Variants in COL4A2 observed in about 807,000 individuals in gnomAD.
COL4A2 encodes collagen type IV alpha 2 chain, also known as collagen alpha-2(IV) chain.
In COL4A2, 99 loss-of-function variants were observed where a neutral mutation model predicts 200.2. That is an observed-to-expected ratio of 0.49 (90% CI 0.42 to 0.58). The LOEUF (loss-of-function observed/expected upper bound fraction) is 0.58. Ranked by LOEUF, COL4A2 falls within the 20% of genes least tolerant of loss-of-function variation. The pLI is 0.00. For synonymous variants in COL4A2, 897 were observed against 900.6 expected (o/e 1.00, Z 0.07); for missense variants, 1,950 against 2,314.1 (o/e 0.84, Z 3.23).
At chr13:110,464,213 C>T (rs562664602) in intron 24 of COL4A2, among the ~76,000 whole-genome samples, 2 of 152,272 alleles carry the variant, frequency 1.3e-5, no homozygotes, top group African/African-American at 4.8e-5. Context: ...CCCTGCGGCT[C>T]CCAAGCCTGG....
At chr13:110,434,313 C>A (rs1241630953) in intron 11 of COL4A2, 88 bp from the exon 12 acceptor site, 6 of 1,242,264 alleles carry the variant, frequency 4.8e-6, no homozygotes, top group Non-Finnish European at 6.9e-6. Flanking sequence ...GATAAATAGG[C>A]CTTGGGTTTC....
At chr13:110,342,908 G>A (rs982361111) in intron 3 of COL4A2, among the ~76,000 whole-genome samples, 4 of 152,230 alleles carry the variant, frequency 2.6e-5, no homozygotes, top group South Asian at 2.1e-4. Context: ...CAGATTAAGC[G>A]TAAAAAGACT....
chr13:110,492,200 G>C (rs1009469529), intron 38 of COL4A2, 23 bp downstream of exon 38: 16 of 1,545,886 alleles, frequency 1.0e-5, no homozygotes, highest in Non-Finnish European at 1.3e-5. Context: ...AAAACACGTG[G>C]TCACCCAGAC....
At chr13:110,507,493 A>C (rs527631358) in intron 46 of COL4A2, 7 of 181,772 alleles carry the variant, frequency 3.9e-5, no homozygotes, top group Non-Finnish European at 8.2e-5. Flanking sequence ...GATAAAGGCT[A>C]TCTTAGTCTC....
intron 29 of COL4A2, among the ~76,000 whole-genome samples, chr13:110,475,038 G>A (rs961498998): frequency 5.3e-5 from 8 of 151,822 alleles, no homozygotes; most frequent in East Asian, 3.9e-4. Context: ...ATACCCACTC[G>A]TGCCTATGCA....
rs375509979 is a variant in COL4A2 at position 110,314,540 on chromosome 13, G to C, written c.99+6417G>C. Among the ~76,000 whole-genome samples the C allele has an allele frequency of 2.6e-5, 4 of 152,290 alleles. No individual in the cohort carries two copies. In the South Asian group the frequency reaches 8.3e-4, roughly 32 times the overall value. ...CGTGGGTGGAGTCATTTGTGAAGACGGGGAGGTTTCCCTGTGGAGTTTCTG... is the reference window on the plus strand; with the variant it reads ...CGTGGGTGGAGTCATTTGTGAAGACCGGGAGGTTTCCCTGTGGAGTTTCTG... On this transcript the variant is annotated intron_variant, in intron 3 of 47. Transcript: ENST00000360467.
chr13:110,357,199 A>G (rs899301025), intron 3 of COL4A2, among the ~76,000 whole-genome samples: 5 of 151,978 alleles, frequency 3.3e-5, no homozygotes, highest in African/African-American at 1.2e-4. Flanking sequence ...GTTGGTTCCA[A>G]CCTGTACATC....
chr13:110,449,809 T>C lies in COL4A2; in HGVS notation c.1189+20T>C, dbSNP rs1270334865. ...ATGGAGGTAATGTGGCTTCATAATA[T>C]CAACACCGGAGACCCAAAGCACCTG... is the stretch of plus-strand genomic sequence containing the variant. On this transcript the variant is annotated intron_variant, in intron 19 of 47. Transcript: ENST00000360467. 41 of 1,544,400 alleles carry C rather than the reference T, an allele frequency of 2.7e-5. No individual in the cohort carries two copies. Among genetic ancestry groups the C allele is most frequent in the Non-Finnish European group, 3.4e-5 (39 of 1,145,726 alleles).
chr13:110,427,358 C>T (rs1195644972), intron 6 of COL4A2, among the ~76,000 whole-genome samples: 1 of 152,142 alleles, frequency 6.6e-6, no homozygotes, highest in African/African-American at 2.4e-5. Flanking sequence ...CCATGTTGGC[C>T]AGGCTGGTCT....
intron 4 of COL4A2, among the ~76,000 whole-genome samples, chr13:110,406,959 G>T (rs1361753535): frequency 6.6e-6 from 1 of 152,172 alleles, no homozygotes. Flanking sequence ...GCCCGGCAGG[G>T]TCTCCTGCTC....
At chr13:110,324,700 G>C (rs1885360843) in intron 3 of COL4A2, among the ~76,000 whole-genome samples, 1 of 152,226 alleles carries the variant, frequency 6.6e-6, no homozygotes, top group Admixed American at 6.5e-5. Context: ...GCAGGTCCTA[G>C]AAGACAGCCT....
intron 32 of COL4A2, 24 bp downstream of exon 32, chr13:110,482,683 C>T: frequency 3.1e-6 from 5 of 1,605,854 alleles, no homozygotes; most frequent in Non-Finnish European, 4.3e-6. Context: ...TTAACATCCT[C>T]CTTACCTGGT....
chr13:110,394,568 A>G (rs898342596), intron 4 of COL4A2, among the ~76,000 whole-genome samples: 6 of 151,804 alleles, frequency 4.0e-5, no homozygotes, highest in African/African-American at 1.4e-4. Flanking sequence ...TCATTTCCTA[A>G]CTCGTGCAAT....
At chr13:110,420,796 G>A (rs1033347543) in intron 4 of COL4A2, among the ~76,000 whole-genome samples, 1 of 152,160 alleles carries the variant, frequency 6.6e-6, no homozygotes, top group African/African-American at 2.4e-5. Context: ...GGAAATCCTG[G>A]GGAGAAGCTC....
At chr13:110,418,522 G>A (rs1410309788) in intron 4 of COL4A2, among the ~76,000 whole-genome samples, 7 of 152,174 alleles carry the variant, frequency 4.6e-5, no homozygotes, top group Non-Finnish European at 7.4e-5. Context: ...GTAAATGTCT[G>A]TATATCAAGT....
chr13:110,451,622 G>A (rs1353933572), intron 20 of COL4A2, among the ~76,000 whole-genome samples: 4 of 152,192 alleles, frequency 2.6e-5, no homozygotes, highest in African/African-American at 7.2e-5. Context: ...ACTCACTATC[G>A]TGAGAACAGC....
chr13:110,459,547 G>A (rs1351563803), intron 22 of COL4A2: 15 of 136,684 alleles, frequency 1.1e-4, no homozygotes, highest in African/African-American at 2.7e-4. Flanking sequence ...ACAGGAAGTC[G>A]ATTGGTGGCT....
intron 3 of COL4A2, among the ~76,000 whole-genome samples, chr13:110,337,539 T>G (rs1876254375): frequency 6.6e-6 from 1 of 152,216 alleles, no homozygotes; most frequent in African/African-American, 2.4e-5. Context: ...GCGGATGTAC[T>G]GGTGGCAGGC....
chr13:110,471,390 A>G (rs1041172814), intron 28 of COL4A2, among the ~76,000 whole-genome samples: 4 of 152,170 alleles, frequency 2.6e-5, no homozygotes, highest in Non-Finnish European at 5.9e-5. Context: ...TGATTGAGGA[A>G]CTGATCAGTT....
Sources: allele counts gnomAD v4.1 joint callset (sites outside exome capture counted in the v4.1 genomes callset), GRCh38; gene constraint gnomAD v4.1.1; transcripts MANE v1.5; gene names NCBI Gene and HGNC (gene_info 2026-07-23, HGNC 2026-07-21).